GRIA4: variants seen among roughly 807,000 people sequenced by gnomAD.
The protein encoded by GRIA4 is glutamate receptor 4.
GRIA4 carries 34 observed loss-of-function variants against 104.0 expected under a neutral mutation model. The ratio of observed to expected loss-of-function variants is 0.33; its 90% confidence interval spans 0.25 to 0.44. The LOEUF is 0.44. Among genes scored for constraint, GRIA4 ranks in the 20% least tolerant of loss-of-function variants. The pLI is 1.00. For synonymous variants in GRIA4, 386 were observed against 381.9 expected (o/e 1.01, Z -0.13); for missense variants, 750 against 1,096.5 (o/e 0.68, Z 4.46).
chr11:105,776,023 A>G (rs559411153), intron 4 of GRIA4, among the ~76,000 whole-genome samples: 122 of 152,208 alleles, frequency 8.0e-4, no homozygotes, highest in African/African-American at 2.8e-3. Flanking sequence ...ACAAAAGTAG[A>G]TGCTATTTAT....
intron 4 of GRIA4, among the ~76,000 whole-genome samples, chr11:105,806,479 T>G (rs1942957699): frequency 6.6e-6 from 1 of 151,888 alleles, no homozygotes; most frequent in Non-Finnish European, 1.5e-5. Context: ...ATTTAAAAAC[T>G]CAAACTCCCC....
At chr11:105,950,502 C>G (rs1222604704) in intron 14 of GRIA4, among the ~76,000 whole-genome samples, 1 of 151,278 alleles carries the variant, frequency 6.6e-6, no homozygotes, top group Non-Finnish European at 1.5e-5. Context: ...CCCAAGATTA[C>G]ATGTCTCAAA....
In GRIA4 at chr11:105,726,757, C is replaced by T. The variant is rs567269476; in HGVS notation, c.248-26224C>T. On this transcript the variant is annotated intron_variant, in intron 3 of 16. Transcript: ENST00000282499. ...CAAGCAAACAGGGTCTGGAATGGAC[C>T]CCCAGCAATCTCCAGCAGACCTGCA... Among the ~76,000 whole-genome samples the T allele has an allele frequency of 6.6e-5, 10 of 152,144 alleles. No individual in the cohort carries two copies. The East Asian group carries it at 1.7e-3, about 27-fold the overall frequency.
chr11:105,653,191 G>A lies in GRIA4; in HGVS notation c.247+40757G>A, dbSNP rs577157800. 5.9e-5 allele frequency among the ~76,000 whole-genome samples: 9 copies of A among 152,294 alleles called. No homozygotes were observed. In the East Asian group the frequency reaches 7.7e-4, roughly 13 times the overall value. On this transcript the variant is annotated intron_variant, in intron 3 of 16. Coordinates refer to ENST00000282499, the MANE Select transcript of GRIA4 (RefSeq NM_000829.4). ...CTCCCAAAGTCCTGGGATTACAGGCGTCAGCCACCGCACCCGGCCTTTTCT... is the reference window on the plus strand; with the variant it reads ...CTCCCAAAGTCCTGGGATTACAGGCATCAGCCACCGCACCCGGCCTTTTCT...
intron 4 of GRIA4, among the ~76,000 whole-genome samples, chr11:105,777,782 C>T (rs1457132520): frequency 6.6e-6 from 1 of 152,098 alleles, no homozygotes; most frequent in Non-Finnish European, 1.5e-5. Context: ...AATAGATGCA[C>T]AATAACAACC....
chr11:105,626,894 A>T (rs566522491), intron 3 of GRIA4, among the ~76,000 whole-genome samples: 1 of 152,352 alleles, frequency 6.6e-6, no homozygotes, highest in South Asian at 2.1e-4. Context: ...TATGGAGCTC[A>T]TAGAGCTAGT....
chr11:105,727,659 C>A (rs921072269), intron 3 of GRIA4, among the ~76,000 whole-genome samples: 1 of 152,154 alleles, frequency 6.6e-6, no homozygotes, highest in African/African-American at 2.4e-5. Context: ...GGAAGCCCAT[C>A]AGACTAACAG....
chr11:105,825,297 C>T (rs1379264292), intron 4 of GRIA4, among the ~76,000 whole-genome samples: 1 of 152,036 alleles, frequency 6.6e-6, no homozygotes, highest in African/African-American at 2.4e-5. Context: ...GTCCAGGGGA[C>T]ATCACTGGGT....
intron 4 of GRIA4, among the ~76,000 whole-genome samples, chr11:105,818,944 G>A (rs542612384): frequency 7.2e-5 from 11 of 152,202 alleles, no homozygotes; most frequent in South Asian, 6.2e-4. Context: ...GTCAAGCTAC[G>A]TTAATTAGGT....
rs377648412 is a variant in GRIA4 at position 105,793,791 on chromosome 11, T to C, written c.487+40571T>C. On this transcript the variant is annotated intron_variant, in intron 4 of 16. Coordinates refer to ENST00000282499, the MANE Select transcript of GRIA4 (RefSeq NM_000829.4). Reference sequence around the variant, plus strand: ...GTCACTCTTGCCAACTGTCCAAAAATAGAGATATGCCCAACATGCTATACA... The same window carrying C: ...GTCACTCTTGCCAACTGTCCAAAAACAGAGATATGCCCAACATGCTATACA... 1.2e-4 allele frequency among the ~76,000 whole-genome samples: 18 copies of C among 151,816 alleles called. No individual in the cohort carries two copies. In the East Asian group the frequency reaches 3.1e-3, roughly 26 times the overall value.
intron 3 of GRIA4, among the ~76,000 whole-genome samples, chr11:105,733,748 C>T (rs1032207480): frequency 6.6e-6 from 1 of 152,048 alleles, no homozygotes; most frequent in African/African-American, 2.4e-5. Flanking sequence ...GCCACCATGC[C>T]TGGCCAGACA....
chr11:105,778,445 G>T (rs573193188), intron 4 of GRIA4, among the ~76,000 whole-genome samples: 1 of 152,198 alleles, frequency 6.6e-6, no homozygotes. Context: ...GGTGGCTCAC[G>T]CCTGTAATCC....
chr11:105,709,626 C>CCT (rs1297280347), intron 3 of GRIA4, among the ~76,000 whole-genome samples: 1 of 152,072 alleles, frequency 6.6e-6, no homozygotes, highest in Non-Finnish European at 1.5e-5. Flanking sequence ...TTCCTCCACA[C>CCT]TGAGAAGGGT....
intron 4 of GRIA4, among the ~76,000 whole-genome samples, chr11:105,781,630 T>A (rs1941731792): frequency 6.6e-6 from 1 of 152,174 alleles, no homozygotes; most frequent in Admixed American, 6.6e-5. Context: ...GAAAAAAATT[T>A]ACCTCATTGG....
chr11:105,955,626 G>C (rs1471301302), intron 14 of GRIA4, among the ~76,000 whole-genome samples: 1 of 151,984 alleles, frequency 6.6e-6, no homozygotes, highest in East Asian at 1.9e-4. Context: ...TATTCCTTTG[G>C]GTATATACCC....
intron 14 of GRIA4, among the ~76,000 whole-genome samples, chr11:105,954,550 G>A (rs915890009): frequency 5.3e-5 from 8 of 152,016 alleles, no homozygotes; most frequent in African/African-American, 1.9e-4. Flanking sequence ...TCAACATTAT[G>A]TATATGTATA....
intron 7 of GRIA4, among the ~76,000 whole-genome samples, chr11:105,903,488 A>G (rs602098): frequency 0.17 from 26,057 of 152,144 alleles, 2,390 homozygotes; most frequent in Admixed American, 0.24. Flanking sequence ...CCTTTGATAC[A>G]TTAGCTATTT....
intron 6 of GRIA4, among the ~76,000 whole-genome samples, chr11:105,894,586 C>T (rs1946575361): frequency 6.6e-6 from 1 of 151,864 alleles, no homozygotes; most frequent in East Asian, 1.9e-4. Flanking sequence ...TCGTAGATAG[C>T]CAAACAGCAA....
At chr11:105,626,235 CA>C (rs1162071405) in intron 3 of GRIA4, among the ~76,000 whole-genome samples, 1 of 151,800 alleles carries the variant, frequency 6.6e-6, no homozygotes, top group Non-Finnish European at 1.5e-5. Flanking sequence ...TATTTCAGTG[CA>C]ACTACATTGG....
Sources: gnomAD v4.1 joint callset for allele counts (sites outside exome capture counted in the v4.1 genomes callset) on GRCh38, gnomAD v4.1.1 for gene constraint, MANE v1.5 for transcripts, NCBI Gene and HGNC (gene_info 2026-07-23, HGNC 2026-07-21) for gene names.